Variants in RAB3IL1 observed in about 807,000 individuals in gnomAD.
The protein encoded by RAB3IL1 is RAB3A interacting protein like 1.
RAB3IL1 carries 37 observed loss-of-function variants against 49.2 expected under a neutral mutation model. The ratio of observed to expected loss-of-function variants is 0.75; its 90% CI spans 0.58 to 0.99. The LOEUF (loss-of-function observed/expected upper bound fraction) is 0.99. Among genes scored for constraint, RAB3IL1 ranks in the 50% least tolerant of loss-of-function variants. RAB3IL1 has a pLI of 0.00. For synonymous variants in RAB3IL1, 193 were observed against 213.9 expected (o/e 0.90, Z 0.85); for missense variants, 484 against 513.0 (o/e 0.94, Z 0.55).
At position 61,897,949 on chromosome 11, in the gene RAB3IL1, G is replaced by A. The variant is rs865809762; in HGVS notation, c.*329C>T. 4.7e-5 allele frequency: 14 copies of A among 296,176 alleles called. No homozygotes were observed. In the South Asian group the frequency reaches 5.9e-4, roughly 13 times the overall value. 18.3% of individuals were successfully genotyped at this position (296,176 alleles called of 1,614,324 possible). The stretch of plus-strand genomic sequence containing the variant: ...GGCAGTTCTGGGGACTGGGGAGGGG[G>A]CGCTGGCTGCCTCAGGTGTCCCCTC... On this transcript the variant is annotated 3_prime_UTR_variant, in exon 10 of 10. Coordinates refer to ENST00000394836, the MANE Select transcript of RAB3IL1 (RefSeq NM_013401.4).
Position 61,902,457 on chromosome 11 carries a change from T to C in RAB3IL1, c.984A>G (p.Pro328=). ...GCTGACTCACCCTGGCCCGGGAAGA[T>C]GGCGAGATGTAGTAATGGCTTTTGG... ...GDSKSHYYIS[P]SSRARITAVC... is the part of the protein sequence containing the mutation. Residue 328 remains proline, a synonymous_variant, in exon 8 of 10, where the codon CCA becomes CCG. Transcript: ENST00000394836. The C allele has an allele frequency of 1.3e-6, 2 of 1,595,982 alleles. No individual in the cohort carries two copies. Among genetic ancestry groups the C allele is most frequent in the East Asian group, 2.3e-5 (1 of 44,162 alleles).
chr11:61,904,742 G>A lies in RAB3IL1; in HGVS notation c.786+12C>T. The A allele has an allele frequency of 6.3e-7, 1 of 1,596,140 alleles. No individual in the cohort carries two copies. Among genetic ancestry groups the A allele is most frequent in the Non-Finnish European group, 8.5e-7 (1 of 1,171,880 alleles). On this transcript the variant is annotated intron_variant, in intron 6 of 9. Transcript: ENST00000394836. ...GTGTCCCCCAGCTGGCCCCGCCCCTGCCATGCCTCACCTCCTGCATTGTGA... is the reference window on the plus strand; with the variant it reads ...GTGTCCCCCAGCTGGCCCCGCCCCTACCATGCCTCACCTCCTGCATTGTGA...
Position 61,906,881 on chromosome 11 carries a change from C to T in RAB3IL1, c.439-197G>A, listed in dbSNP as rs547250061. Among the ~76,000 whole-genome samples, 3 of 152,312 alleles carry T rather than the reference C, an allele frequency of 2.0e-5. No individual in the cohort carries two copies. Among genetic ancestry groups the T allele is most frequent in the South Asian group, 2.1e-4 (1 of 4,832 alleles). On this transcript the variant is annotated intron_variant, in intron 4 of 9. Transcript: ENST00000394836. The surrounding 1 kb of genome is among the most constrained non-coding windows in gnomAD (Gnocchi z 4.6). ...ATAGGGAAACTGAGGCTCACAGAGG[C>T]GACATGGCCTGCCCAAGGTCACTCT...
chr11:61,903,937 C>G (rs1173042830), intron 7 of RAB3IL1, among the ~76,000 whole-genome samples: 1 of 152,104 alleles, frequency 6.6e-6, no homozygotes, highest in African/African-American at 2.4e-5. Flanking sequence ...CCTGTCCCCC[C>G]ACTGCTTAGC....
upstream of RAB3IL1, among the ~76,000 whole-genome samples, chr11:61,925,268 A>G (rs933236510): frequency 6.6e-5 from 10 of 152,050 alleles, no homozygotes; most frequent in African/African-American, 2.4e-4. Flanking sequence ...TCCACCAGTC[A>G]CTCTCTCAGG....
chr11:61,945,787 C>T, the RAB3IL1 span: 8 of 985,238 alleles, frequency 8.1e-6, no homozygotes, highest in Non-Finnish European at 9.6e-6. Flanking sequence ...CCGACTGCAG[C>T]CTGGCAGAGT....
Position 61,904,771 on chromosome 11 carries a change from C to A in RAB3IL1, c.769G>T (p.Asp257Tyr). 6.2e-7 allele frequency: 1 copy of A among 1,606,116 alleles called. No homozygotes were observed. The highest frequency in any genetic ancestry group is 8.5e-7 in the Non-Finnish European group (1 of 1,176,924). Reference sequence around the variant, plus strand: ...TGCCTCACCTCCTGCATTGTGAAGTCCAGGCAGGGGCCCACGTCCTCTCGG... The same window carrying A: ...TGCCTCACCTCCTGCATTGTGAAGTACAGGCAGGGGCCCACGTCCTCTCGG... Reference protein sequence around the residue: ...VYREDVGPCLDFTMQELSVLV... With the variant: ...VYREDVGPCLYFTMQELSVLV... The change falls in exon 6 of 10, where the codon GAC becomes TAC. Residue 257 changes from aspartate to tyrosine, a missense_variant. By Grantham distance (160) the Asp-to-Tyr change is radical. Coordinates refer to ENST00000394836, the MANE Select transcript of RAB3IL1 (RefSeq NM_013401.4).
At chr11:61,929,561 A>C in the RAB3IL1 span, among the ~76,000 whole-genome samples, 1 of 151,880 alleles carries the variant, frequency 6.6e-6, no homozygotes, top group African/African-American at 2.4e-5. Flanking sequence ...TGAATAAACA[A>C]CAAGAGATTA....
chr11:61,917,571 C>G (rs1399651170), upstream of RAB3IL1: 1 of 1,085,624 alleles, frequency 9.2e-7, no homozygotes, highest in African/African-American at 1.7e-5. Flanking sequence ...GGTCACGTGG[C>G]GGAGGGGGGA....
the RAB3IL1 span, among the ~76,000 whole-genome samples, chr11:61,935,512 T>G: frequency 9.3e-3 from 1,417 of 152,158 alleles, 24 homozygotes; most frequent in African/African-American, 0.032. Flanking sequence ...TTTTATTGTA[T>G]TAGTTAATTA....
intron 1 of RAB3IL1, among the ~76,000 whole-genome samples, chr11:61,916,261 G>A (rs769310457): frequency 2.6e-5 from 4 of 151,456 alleles, no homozygotes; most frequent in African/African-American, 9.7e-5. Flanking sequence ...CAGGCGAATT[G>A]CTTGTACTCA....
chr11:61,934,343 CACACACACAT>C, the RAB3IL1 span, among the ~76,000 whole-genome samples: 42 of 113,176 alleles, frequency 3.7e-4, 1 homozygote, highest in South Asian at 1.6e-3. Context: ...CACACACACA[CACACACACAT>C]ATGTATATAT....
At chr11:61,920,235 A>C, upstream of RAB3IL1, 1 of 1,241,274 alleles carries the variant, frequency 8.1e-7, no homozygotes, top group Non-Finnish European at 1.0e-6. Flanking sequence ...GGGTGCCGGG[A>C]AGGGAGGTAG....
rs756543682 is a variant in RAB3IL1, at chr11:61,907,462, G to T, written c.369C>A (p.His123Gln). The change falls in exon 4 of 10, where the codon CAC becomes CAA. Residue 123 changes from histidine (H) to glutamine (Q), a missense_variant. His to Gln is a conservative substitution (Grantham distance 24). Coordinates refer to ENST00000394836, the MANE Select transcript of RAB3IL1 (RefSeq NM_013401.4). Reference protein sequence around the residue: ...ELTASLFEEAHKMVREANMKQ... With the variant: ...ELTASLFEEAQKMVREANMKQ... ...TCATGTTGGCTTCTCGAACCATCTT[G>T]TGAGCTTCCTAGGAAGAAGGCAGTC... 6.2e-7 allele frequency: 1 copy of T among 1,614,140 alleles called. No homozygotes were observed. The highest frequency in any genetic ancestry group is 1.1e-5 in the South Asian group (1 of 91,080).
the RAB3IL1 span, among the ~76,000 whole-genome samples, chr11:61,930,880 TCAC>T: frequency 6.6e-6 from 1 of 152,208 alleles, no homozygotes; most frequent in Non-Finnish European, 1.5e-5. Flanking sequence ...TAAAAAAAAT[TCAC>T]CAGATAGATA....
At chr11:61,913,883 G>A (rs796262013) in intron 1 of RAB3IL1, among the ~76,000 whole-genome samples, 45 of 152,242 alleles carry the variant, frequency 3.0e-4, no homozygotes, top group African/African-American at 1.0e-3. Context: ...TGCAGAGCTC[G>A]GAGGGTCTAG....
At chr11:61,907,292 G>A (rs1344511389) in intron 4 of RAB3IL1, 101 bp downstream of exon 4, 17 of 1,274,524 alleles carry the variant, frequency 1.3e-5, no homozygotes, top group South Asian at 2.5e-5. Flanking sequence ...GCCCCACCGG[G>A]CCAGGTGAGC....
At chr11:61,939,755 G>A in the RAB3IL1 span, among the ~76,000 whole-genome samples, 5 of 151,904 alleles carry the variant, frequency 3.3e-5, no homozygotes, top group Admixed American at 6.6e-5. Flanking sequence ...GTTCAAGACC[G>A]GCTTGGGCAA....
At chr11:61,900,342 G>A (rs1249786183) in intron 8 of RAB3IL1, among the ~76,000 whole-genome samples, 8 of 152,216 alleles carry the variant, frequency 5.3e-5, no homozygotes, top group Non-Finnish European at 1.0e-4. Flanking sequence ...GGCTGTGCCC[G>A]CCCGCAACAG....
Sources: allele counts gnomAD v4.1 joint callset (sites outside exome capture counted in the v4.1 genomes callset), GRCh38; gene constraint gnomAD v4.1.1; non-coding constraint Gnocchi (gnomAD v3.1); transcripts MANE v1.5; gene names NCBI Gene and HGNC (gene_info 2026-07-23, HGNC 2026-07-21).